The following GALK2 variants were observed in gnomAD, a reference collection of about 807,000 sequenced individuals.
The protein encoded by GALK2 is galactokinase 2.
In GALK2, 36 loss-of-function variants were observed where a neutral mutation model predicts 52.4. The ratio of observed to expected loss-of-function variants is 0.69; its 90% CI spans 0.53 to 0.91. The LOEUF (loss-of-function observed/expected upper bound fraction) is 0.91, where lower values mean the gene tolerates loss of function less well. GALK2 is among the 40% of genes least tolerant of loss of function. The probability of loss-of-function intolerance (pLI) is 0.00; values close to 1 mark genes in which losing one functional copy is unlikely to be tolerated. For missense variants in GALK2, 579 were observed against 559.1 expected, an observed-to-expected ratio of 1.04 and a Z score of -0.36; for synonymous variants, 176 against 199.1, an observed-to-expected ratio of 0.88 and a Z score of 0.98.
intron 7 of GALK2, among the ~76,000 whole-genome samples, chr15:49,291,051 G>T (rs2033886609): frequency 1.3e-5 from 2 of 152,092 alleles, no homozygotes; most frequent in Admixed American, 1.3e-4. Flanking sequence ...TGCCTCCTGG[G>T]TTCAAGCAAT....
downstream of GALK2, among the ~76,000 whole-genome samples, chr15:49,335,837 C>A (rs2039614300): frequency 1.3e-4 from 20 of 152,166 alleles, no homozygotes; most frequent in Admixed American, 7.2e-4. Context: ...TAAAAATGTA[C>A]CAAAATTCAT....
rs547340663 is a variant in GALK2, at chr15:49,330,471, G to T, written c.*2312G>T. 1.1e-4 allele frequency: 17 copies of T among 152,254 alleles called. 1 individual carries two copies. In the East Asian group the frequency reaches 3.3e-3, roughly 29 times the overall value. The allele number at this position is 152,254 out of a possible 1,614,324, so 9.4% of individuals were successfully genotyped here. A position where few individuals can be genotyped will look rare whatever the true frequency, so the allele number is the denominator to read the frequency against. ...TACTCAGAATCTGGATTACTGAGTG[G>T]TGGAATATCTGATACTACTTGTCCA... On this transcript the variant is annotated 3_prime_UTR_variant, in exon 10 of 10. Transcript: ENST00000560031.
At chr15:49,362,453 A>G (rs2044407396) in intron 3 of GALK2, among the ~76,000 whole-genome samples, 1 of 152,090 alleles carries the variant, frequency 6.6e-6, no homozygotes, top group Non-Finnish European at 1.5e-5. Context: ...TTCATAAATT[A>G]TCCAGGTTCA....
rs2037835341 is a variant in GALK2, at chr15:49,328,033, G to A, written c.1251G>A (p.Leu417=). 6.2e-7 allele frequency: 1 copy of A among 1,614,034 alleles called. No homozygotes were observed. The highest frequency in any genetic ancestry group is 8.5e-7 in the Non-Finnish European group (1 of 1,179,908). Residue 417 remains leucine, a synonymous_variant, in exon 10 of 10, where the codon CTG becomes CTA. Coordinates refer to ENST00000560031, the MANE Select transcript of GALK2 (RefSeq NM_002044.4). ...CTVSMVPADK[L]PSFLANVHKA... ...TATCAATGGTACCTGCGGACAAGCTGCCCAGCTTTCTAGCAAATGTGCACA... is the reference window on the plus strand; with the variant it reads ...TATCAATGGTACCTGCGGACAAGCTACCCAGCTTTCTAGCAAATGTGCACA...
chr15:49,215,594 A>G (rs563245134), intron 2 of GALK2, among the ~76,000 whole-genome samples: 1 of 152,240 alleles, frequency 6.6e-6, no homozygotes, highest in Non-Finnish European at 1.5e-5. Context: ...AACTATTTTA[A>G]TCTCTTTGTT....
At chr15:49,358,758 A>C (rs1333958500) in intron 3 of GALK2, among the ~76,000 whole-genome samples, 2 of 152,134 alleles carry the variant, frequency 1.3e-5, no homozygotes, top group South Asian at 4.1e-4. Flanking sequence ...ATATGGAACC[A>C]AAAAAGAGCC....
chr15:49,292,777 T>C lies in GALK2; in HGVS notation c.967+240T>C, dbSNP rs146223959. Among the ~76,000 whole-genome samples, 9 of 152,334 alleles carry C rather than the reference T, an allele frequency of 5.9e-5. No homozygotes were observed. The East Asian group carries it at 1.5e-3, about 26-fold the overall frequency. On this transcript the variant is annotated intron_variant, in intron 8 of 9. Transcript: ENST00000560031. ...TGTCTTCCAGGGGCTTATAATTCAGTAAGCTTCTCTTTTTTATCTTTTTTT... is the reference window on the plus strand; with the variant it reads ...TGTCTTCCAGGGGCTTATAATTCAGCAAGCTTCTCTTTTTTATCTTTTTTT...
chr15:49,320,603 G>A (rs2036796381), intron 9 of GALK2, among the ~76,000 whole-genome samples: 2 of 152,264 alleles, frequency 1.3e-5, no homozygotes, highest in South Asian at 4.1e-4. Flanking sequence ...TAACCACTTG[G>A]CACTTGTGGC....
Position 49,319,818 on chromosome 15 carries a change from G to A in GALK2, c.1169+13G>A. 1.2e-6 allele frequency: 2 copies of A among 1,610,042 alleles called. No individual in the cohort carries two copies. The highest frequency in any genetic ancestry group is 8.5e-7 in the Non-Finnish European group (1 of 1,177,616). ...TGGACATCTGTCGGTGAGGCAGCCTGGTGGGGGCCAAGGGATGCCATCAAA... is the reference window on the plus strand; with the variant it reads ...TGGACATCTGTCGGTGAGGCAGCCTAGTGGGGGCCAAGGGATGCCATCAAA... On this transcript the variant is annotated intron_variant, in intron 9 of 9. Transcript: ENST00000560031.
chr15:49,178,224 TATAG>T (rs1167678717), intron 1 of GALK2, among the ~76,000 whole-genome samples: 3 of 115,518 alleles, frequency 2.6e-5, no homozygotes, highest in African/African-American at 9.7e-5. Flanking sequence ...TATATATATA[TATAG>T]AAATAAAATG....
chr15:49,234,715 G>A (rs2090698800), intron 3 of GALK2, among the ~76,000 whole-genome samples: 1 of 151,776 alleles, frequency 6.6e-6, no homozygotes, highest in South Asian at 2.1e-4. Context: ...AGAATTATGG[G>A]AGCTACAATT....
chr15:49,329,028 A>G lies in GALK2; in HGVS notation c.*869A>G. 1 of 1,008,018 alleles carries G rather than the reference A, an allele frequency of 9.9e-7. No homozygotes were observed. Among genetic ancestry groups the G allele is most frequent in the Non-Finnish European group, 1.2e-6 (1 of 843,286 alleles). 62.4% of individuals were successfully genotyped at this position (1,008,018 alleles called of 1,614,324 possible). A position where few individuals can be genotyped will look rare whatever the true frequency, so the allele number is the denominator to read the frequency against. On this transcript the variant is annotated 3_prime_UTR_variant, in exon 10 of 10. Coordinates refer to ENST00000560031, the MANE Select transcript of GALK2 (RefSeq NM_002044.4). ...ATTACTTTCTTATCACTCTTTTTCT[A>G]CTACTTTTTCTCAAATACCTCTCTA...
intron 5 of GALK2, among the ~76,000 whole-genome samples, chr15:49,240,720 T>G (rs971573826): frequency 6.6e-6 from 1 of 152,052 alleles, no homozygotes; most frequent in African/African-American, 2.4e-5. Context: ...ACAAAAAAAA[T>G]GTCTCAATAT....
chr15:49,206,369 G>A (rs1359210299), intron 2 of GALK2, among the ~76,000 whole-genome samples: 2 of 151,854 alleles, frequency 1.3e-5, no homozygotes, highest in African/African-American at 2.4e-5. Context: ...AAGAATGATG[G>A]TGGTATTTTG....
chr15:49,331,678 T>C lies in GALK2; in HGVS notation c.*3519T>C. 1.4e-6 allele frequency: 1 copy of C among 723,860 alleles called. No individual in the cohort carries two copies. The highest frequency in any genetic ancestry group is 2.6e-5 in the East Asian group (1 of 38,978). 44.8% of individuals were successfully genotyped at this position (723,860 alleles called of 1,614,324 possible). A position where few individuals can be genotyped will look rare whatever the true frequency, so the allele number is the denominator to read the frequency against. On this transcript the variant is annotated 3_prime_UTR_variant, in exon 10 of 10. Transcript: ENST00000560031. ...AAGAATGTATCCTCTCCTGCCACTG[T>C]AATTTGGGTGTGCCACCATACATTG...
In GALK2 at chr15:49,319,718, G is replaced by A. The variant is rs2036732356; in HGVS notation, c.1082G>A (p.Gly361Glu). Reference protein sequence around the residue: ...EAPENMVQLLGELMNQSHMSC... With the variant: ...EAPENMVQLLEELMNQSHMSC... ...CCTGAAAACATGGTCCAGCTGCTGG[G>A]AGAGTTGATGAACCAGAGCCACATG... The change falls in exon 9 of 10, where the codon GGA becomes GAA. Residue 361 changes from glycine (G) to glutamate (E), a missense_variant. Gly to Glu is a moderately conservative substitution (Grantham distance 98, BLOSUM62 -2). Coordinates refer to ENST00000560031, the MANE Select transcript of GALK2 (RefSeq NM_002044.4). 6.2e-7 allele frequency: 1 copy of A among 1,614,170 alleles called. No individual in the cohort carries two copies. The highest frequency in any genetic ancestry group is 8.5e-7 in the Non-Finnish European group (1 of 1,180,030).
Position 49,261,542 on chromosome 15 carries a change from G to A in GALK2, c.505-20445G>A, listed in dbSNP as rs1002790988. On this transcript the variant is annotated intron_variant, in intron 5 of 9. Transcript: ENST00000560031. ...GGACAATTTGACTTCCTCTTTTCCT[G>A]ATTGAATACCCTTTATTTCCTTCTC... 2.0e-3 allele frequency among the ~76,000 whole-genome samples: 309 copies of A among 152,172 alleles called. 4 individuals carry two copies. Among genetic ancestry groups the A allele is most frequent in the African/African-American group, 6.9e-3 (287 of 41,488 alleles).
rs1248688634 is a variant in GALK2, at chr15:49,329,760, G to A, written c.*1601G>A. 2.1e-6 allele frequency: 2 copies of A among 966,770 alleles called. No homozygotes were observed. Among genetic ancestry groups the A allele is most frequent in the Non-Finnish European group, 1.2e-6 (1 of 814,898 alleles). The allele number at this position is 966,770 out of a possible 1,614,324, so 59.9% of individuals were successfully genotyped here. ...TTAATACCGTGCCATTTTCCACAAA[G>A]GATTTGTGGTTGGTATATAATTCTT... On this transcript the variant is annotated 3_prime_UTR_variant, in exon 10 of 10. Transcript: ENST00000560031.
At position 49,217,270 on chromosome 15, in the gene GALK2, A is replaced by G; in HGVS notation, c.223A>G (p.Lys75Glu). ...QDVLIAVEPV[K>E]TYALQLANTN... Reference sequence around the variant, plus strand: ...TGTGCTAATAGCTGTAGAACCTGTGAAAACGTACGCTCTCCAACTGGCCAA... The same window carrying G: ...TGTGCTAATAGCTGTAGAACCTGTGGAAACGTACGCTCTCCAACTGGCCAA... Residue 75 changes from lysine (K) to glutamate (E), a missense_variant, in exon 3 of 10, where the codon AAA (lysine) becomes GAA (glutamate). Physicochemically the swap from Lys to Glu is moderately conservative, Grantham distance 56 (BLOSUM62 1). Coordinates refer to ENST00000560031, the MANE Select transcript of GALK2 (RefSeq NM_002044.4). 6.2e-7 allele frequency: 1 copy of G among 1,613,978 alleles called. No individual in the cohort carries two copies. The highest frequency in any genetic ancestry group is 1.1e-5 in the South Asian group (1 of 91,086).
Sources: allele counts gnomAD v4.1 joint callset (sites outside exome capture counted in the v4.1 genomes callset), GRCh38; gene constraint gnomAD v4.1.1; transcripts MANE v1.5; gene names NCBI Gene and HGNC (gene_info 2026-07-23, HGNC 2026-07-21).